Variants in SLC2A3 observed in about 807,000 individuals in gnomAD.
SLC2A3 encodes the protein solute carrier family 2, facilitated glucose transporter member 3.
A neutral mutation model predicts 46.4 loss-of-function variants in SLC2A3; 21 were observed. The observed-to-expected ratio is 0.45, with a 90% confidence interval of 0.32 to 0.65. SLC2A3 has a LOEUF of 0.65. SLC2A3 is among the 30% of genes least tolerant of loss of function. The pLI is 0.04. For synonymous variants in SLC2A3, 213 were observed against 239.4 expected (o/e 0.89, Z 1.02); for missense variants, 499 against 623.3 (o/e 0.80, Z 2.12).
rs1328715070 is a variant in SLC2A3 at position 7,934,053 on chromosome 12, A to T, written c.16-151T>A. 2.1e-5 allele frequency: 14 copies of T among 672,804 alleles called. No homozygotes were observed. The African/African-American group carries it at 2.4e-4, about 11-fold the overall frequency. The allele number at this position is 672,804 out of a possible 1,614,324, so 41.7% of individuals were successfully genotyped here. Reference sequence around the variant, plus strand: ...GAGATTTAGGTAATTAATGGGGAAGACAAAGGAATAGATTATACTAAAGAA... The same window carrying T: ...GAGATTTAGGTAATTAATGGGGAAGTCAAAGGAATAGATTATACTAAAGAA... On this transcript the variant is annotated intron_variant, in intron 1 of 9. Coordinates refer to ENST00000075120, the MANE Select transcript of SLC2A3 (RefSeq NM_006931.3).
chr12:7,935,051 A>G (rs1163502893), intron 1 of SLC2A3, among the ~76,000 whole-genome samples: 2 of 152,046 alleles, frequency 1.3e-5, no homozygotes, highest in African/African-American at 4.8e-5. Context: ...GCTAGTCTCA[A>G]ACTCCAGGCC....
chr12:7,933,273 GATAACGTATTGGA>G, intron 2 of SLC2A3, 126 bp from the exon 3 acceptor site: 1 of 1,049,020 alleles, frequency 9.5e-7, no homozygotes, highest in East Asian at 2.6e-5. Flanking sequence ...GGAAGGGGCA[GATAACGTATTGGA>G]ATTTATGTTA....
At chr12:7,935,226 G>A (rs779356826) in intron 1 of SLC2A3, among the ~76,000 whole-genome samples, 4 of 152,248 alleles carry the variant, frequency 2.6e-5, no homozygotes, top group South Asian at 2.1e-4. Context: ...GGCCGAGGCC[G>A]GCGGATCGCC....
In SLC2A3 at chr12:7,926,891, G is replaced by A. The variant is rs965739443; in HGVS notation, c.862-943C>T. Among the ~76,000 whole-genome samples the A allele has an allele frequency of 2.6e-5, 4 of 152,052 alleles. No individual in the cohort carries two copies. In the East Asian group the frequency reaches 7.7e-4, roughly 29 times the overall value. ...AAATAAATTATTATGTTGTTTGCTA[G>A]GCACTGTGCTAAAATCTAAAGTTGC... On this transcript the variant is annotated intron_variant, in intron 6 of 9. Transcript: ENST00000075120.
At chr12:7,929,453 C>CTT (rs11294774) in intron 6 of SLC2A3, 73 of 492,802 alleles carry the variant, frequency 1.5e-4, no homozygotes, top group South Asian at 2.9e-4. Flanking sequence ...CTTCCAGGGT[C>CTT]TTTTTTTTTT....
chr12:7,921,771 G>T, intron 9 of SLC2A3, 140 bp from the exon 10 acceptor site: 4 of 964,052 alleles, frequency 4.1e-6, no homozygotes, highest in Middle Eastern at 3.3e-4. Context: ...CTTCAGATTC[G>T]CTTATGATTC....
chr12:7,922,154 G>A (rs1268451871), intron 9 of SLC2A3, among the ~76,000 whole-genome samples: 1 of 152,120 alleles, frequency 6.6e-6, no homozygotes, highest in African/African-American at 2.4e-5. Flanking sequence ...GAGTAGCTAG[G>A]ACTACAGGTG....
At position 7,929,865 on chromosome 12, in the gene SLC2A3, T is replaced by A. The variant is rs146277792; in HGVS notation, c.680A>T (p.Gln227Leu). The A allele has an allele frequency of 3.2e-4, 518 of 1,613,782 alleles. No individual in the cohort carries two copies. The African/African-American group carries it at 6.1e-3, about 19-fold the overall frequency. ...KEEENAKQILQRLWGTQDVSQ... is the reference protein window; with the variant it reads ...KEEENAKQILLRLWGTQDVSQ... ...TACATCCTGGGTGCCCCACAACCGC[T>A]GGAGGACTGGTGAAAAGAAGAAAGA... Residue 227 changes from glutamine (Q) to leucine (L), a missense_variant, in exon 6 of 10, where the codon CAG (glutamine) becomes CTG (leucine). Physicochemically the swap from Gln to Leu is moderately radical, Grantham distance 113. Around this residue, in one of 5 missense-constraint regions of SLC2A3, gnomAD observed 248 missense variants for 284.0 expected, o/e 0.87. Coordinates refer to ENST00000075120, the MANE Select transcript of SLC2A3 (RefSeq NM_006931.3).
At chr12:7,923,308 T>G (rs1946058468) in intron 8 of SLC2A3, 1 of 325,866 alleles carries the variant, frequency 3.1e-6, no homozygotes, top group East Asian at 5.7e-5. Context: ...CGCTTGGACT[T>G]GAAGCATGTG....
chr12:7,921,970 A>C (rs1946040912), intron 9 of SLC2A3, among the ~76,000 whole-genome samples: 1 of 151,724 alleles, frequency 6.6e-6, no homozygotes, highest in Non-Finnish European at 1.5e-5. Context: ...AGGTGGGAGG[A>C]TCACTGGAAC....
chr12:7,932,809 G>A, intron 3 of SLC2A3, 178 bp downstream of exon 3: 2 of 844,310 alleles, frequency 2.4e-6, no homozygotes, highest in South Asian at 1.8e-5. Flanking sequence ...AGCTCTCCAG[G>A]GTAGTAGAGC....
rs1414258983 is a variant in SLC2A3 at position 7,921,099 on chromosome 12, G to A, written c.*314C>T. On this transcript the variant is annotated 3_prime_UTR_variant, in exon 10 of 10. Coordinates refer to ENST00000075120, the MANE Select transcript of SLC2A3 (RefSeq NM_006931.3). Reference sequence around the variant, plus strand: ...TACTTTTCCTCTCCTATATCCCCTAGTGCGGCAATATCAGAACCCAAGGGA... The same window carrying A: ...TACTTTTCCTCTCCTATATCCCCTAATGCGGCAATATCAGAACCCAAGGGA... 3.5e-6 allele frequency: 2 copies of A among 570,034 alleles called. No homozygotes were observed. The highest frequency in any genetic ancestry group is 6.5e-6 in the Non-Finnish European group (2 of 308,436). The allele number at this position is 570,034 out of a possible 1,614,324, so 35.3% of individuals were successfully genotyped here. A position where few individuals can be genotyped will look rare whatever the true frequency, so the allele number is the denominator to read the frequency against.
chr12:7,922,886 C>T lies in SLC2A3; in HGVS notation c.1207G>A (p.Ala403Thr). 6.2e-7 allele frequency: 1 copy of T among 1,614,136 alleles called. No individual in the cohort carries two copies. The highest frequency in any genetic ancestry group is 8.5e-7 in the Non-Finnish European group (1 of 1,180,004). The stretch of plus-strand genomic sequence containing the variant: ...GTCCAGTTGGAGCAGCCGGCCACTG[C>T]CATCGCAGCTGGGCGGGGGCCCTGG... Reference protein sequence around the residue: ...FSQGPRPAAMAVAGCSNWTSN... With the variant: ...FSQGPRPAAMTVAGCSNWTSN... The change falls in exon 9 of 10, where the codon GCA becomes ACA. Residue 403 changes from alanine to threonine, a missense_variant. By Grantham distance (58) the Ala-to-Thr change is moderately conservative. Around this residue, in one of 5 missense-constraint regions of SLC2A3, gnomAD observed 179 missense variants for 205.1 expected, o/e 0.87. Coordinates refer to ENST00000075120, the MANE Select transcript of SLC2A3 (RefSeq NM_006931.3).
chr12:7,923,253 C>T (rs1445471748), intron 8 of SLC2A3: 2 of 465,082 alleles, frequency 4.3e-6, no homozygotes, highest in South Asian at 3.3e-5. Context: ...ACTGCATCAT[C>T]GATCTCCTGG....
intron 5 of SLC2A3, 118 bp from the exon 6 acceptor site, chr12:7,929,989 CTTT>C (rs375573140): frequency 1.0e-4 from 126 of 1,227,746 alleles, no homozygotes; most frequent in East Asian, 2.2e-4. Context: ...GCATCCATTC[CTTT>C]TTTTTTTTTT....
intron 1 of SLC2A3, 63 bp from the exon 2 acceptor site, chr12:7,933,965 TATTA>T: frequency 2.0e-6 from 3 of 1,487,326 alleles, no homozygotes; most frequent in South Asian, 2.3e-5. Flanking sequence ...GACTGTTTCT[TATTA>T]ATTATGGAGC....
In SLC2A3 at chr12:7,936,179, A is replaced by C; in HGVS notation, c.-145T>G. On this transcript the variant is annotated 5_prime_UTR_variant, in exon 1 of 10. Coordinates refer to ENST00000075120, the MANE Select transcript of SLC2A3 (RefSeq NM_006931.3). ...GAAGGATCCAAAGTCTTACCATTAC[A>C]GCATCTCTGGGTCTCGCTGGGATCA... The C allele has an allele frequency of 4.1e-6, 3 of 736,176 alleles. No individual in the cohort carries two copies. Among genetic ancestry groups the C allele is most frequent in the Non-Finnish European group, 7.4e-6 (3 of 406,882 alleles). 45.6% of individuals were successfully genotyped at this position (736,176 alleles called of 1,614,324 possible).
At position 7,923,008 on chromosome 12, in the gene SLC2A3, A is replaced by T; in HGVS notation, c.1085T>A (p.Met362Lys). The T allele has an allele frequency of 1.2e-6, 2 of 1,607,824 alleles. No homozygotes were observed. The highest frequency in any genetic ancestry group is 1.7e-6 in the Non-Finnish European group (2 of 1,174,710). The change falls in exon 9 of 10, where the codon ATG becomes AAG. Residue 362 changes from methionine (M) to lysine (K), a missense_variant. Physicochemically the swap from Met to Lys is moderately conservative, Grantham distance 95. Around this residue, in one of 5 missense-constraint regions of SLC2A3, gnomAD observed 179 missense variants for 205.1 expected, o/e 0.87. Transcript: ENST00000075120. ...GATAGCCCCAATACAGACAAAGCTC[A>T]TCCCATTATAGTTATCCTGTAAGAG... ...SLLLKDNYNG[M>K]SFVCIGAILV... is the part of the protein sequence containing the mutation.
intron 3 of SLC2A3, 59 bp from the exon 4 acceptor site, chr12:7,931,544 C>T: frequency 6.2e-7 from 1 of 1,604,646 alleles, no homozygotes; most frequent in East Asian, 2.2e-5. Flanking sequence ...CTAACTTCTC[C>T]TCTGTCCTCA....
Sources: gnomAD v4.1 joint callset for allele counts (sites outside exome capture counted in the v4.1 genomes callset) on GRCh38, gnomAD v4.1.1 for gene constraint, gnomAD v4.1.1 regional missense constraint, MANE v1.5 for transcripts, NCBI Gene and HGNC (gene_info 2026-07-23, HGNC 2026-07-21) for gene names.